TRAPPC12: variants seen among roughly 807,000 people sequenced by gnomAD.
The protein encoded by TRAPPC12 is trafficking protein particle complex subunit 12.
TRAPPC12 carries 61 observed loss-of-function variants against 69.2 expected under a neutral mutation model. The ratio of observed to expected loss-of-function variants is 0.88; its 90% CI spans 0.72 to 1.09. TRAPPC12 has a LOEUF of 1.09. Ranked by LOEUF, TRAPPC12 falls within the 50% of genes least tolerant of loss-of-function variation. The pLI is 0.00. For synonymous variants in TRAPPC12, 469 were observed against 438.9 expected, an observed-to-expected ratio of 1.07 and a Z score of -0.86; for missense variants, 1,101 against 1,016.4, an observed-to-expected ratio of 1.08 and a Z score of -1.13.
intron 5 of TRAPPC12, among the ~76,000 whole-genome samples, chr2:3,426,662 A>T (rs1663118673): frequency 6.6e-6 from 1 of 151,958 alleles, no homozygotes. Context: ...TTGGATAAAG[A>T]TGTCTTTACC....
chr2:3,439,083 A>G (rs141370271), intron 5 of TRAPPC12, among the ~76,000 whole-genome samples: 130 of 152,260 alleles, frequency 8.5e-4, no homozygotes, highest in Non-Finnish European at 3.4e-4. Context: ...GAGAGTTCCT[A>G]TTGATTCACA....
chr2:3,447,038 A>G (rs1028896516), intron 6 of TRAPPC12, among the ~76,000 whole-genome samples: 7 of 152,178 alleles, frequency 4.6e-5, no homozygotes, highest in Admixed American at 1.3e-4. Flanking sequence ...ATTTTGGCTC[A>G]CAGTCCTGCA....
chr2:3,463,868 G>A (rs1301088701), intron 8 of TRAPPC12, among the ~76,000 whole-genome samples: 2 of 152,144 alleles, frequency 1.3e-5, no homozygotes, highest in African/African-American at 4.8e-5. Flanking sequence ...AGCATGATGG[G>A]TGCTCGGAAG....
chr2:3,438,173 A>C (rs1298150645), intron 5 of TRAPPC12, among the ~76,000 whole-genome samples: 17 of 16,766 alleles, frequency 1.0e-3, no homozygotes, highest in East Asian at 2.0e-3. Flanking sequence ...TTAATCCCCC[A>C]ATCACCCCTG....
At chr2:3,459,975 C>T (rs773684235) in intron 7 of TRAPPC12, 2 of 516,702 alleles carry the variant, frequency 3.9e-6, no homozygotes, top group Middle Eastern at 5.2e-4. Context: ...GAAACGGGGC[C>T]CCCGGTCGGA....
In TRAPPC12 at chr2:3,414,561, C is replaced by T. The variant is rs1395210541; in HGVS notation, c.1165-7320C>T. Among the ~76,000 whole-genome samples, 1 of 151,698 alleles carries T rather than the reference C, an allele frequency of 6.6e-6. No individual in the cohort carries two copies. Among genetic ancestry groups the T allele is most frequent in the Non-Finnish European group, 1.5e-5 (1 of 67,932 alleles). On this transcript the variant is annotated intron_variant, in intron 3 of 11. Transcript: ENST00000324266. This position sits in a 1 kb window ranked among gnomAD's most constrained non-coding sequence, Gnocchi z 4.9. The stretch of plus-strand genomic sequence containing the variant: ...CCTGACCCCATCCCCCAGCTGTCCC[C>T]GCTGTGCAGTGCCTTGAACGTGCTC...
intron 2 of TRAPPC12, among the ~76,000 whole-genome samples, chr2:3,394,161 G>T (rs1281454022): frequency 6.6e-6 from 1 of 152,170 alleles, no homozygotes; most frequent in Non-Finnish European, 1.5e-5. Flanking sequence ...AGAGGCTGGA[G>T]AGCTCTGCAG....
intron 2 of TRAPPC12, among the ~76,000 whole-genome samples, chr2:3,392,385 A>G (rs567582174): frequency 6.6e-6 from 1 of 152,232 alleles, no homozygotes; most frequent in South Asian, 2.1e-4. Context: ...CTGCAAATGG[A>G]TAATTTCAGT....
rs187853762 is a variant in TRAPPC12, at chr2:3,424,641, G to T, written c.1395G>T (p.Pro465=). 1.5e-5 allele frequency: 24 copies of T among 1,611,734 alleles called. No homozygotes were observed. The highest frequency in any genetic ancestry group is 4.0e-5 in the African/African-American group (3 of 74,902). The part of the protein sequence containing the change: ...DQPDLYYEYY[P]HVYPGRRGSM... ...CAGATCTTTATTACGAGTACTACCC[G>T]CACGTGTACCCTGGGCGCAGGGGTA... The change falls in exon 5 of 12, where the codon CCG becomes CCT. Residue 465 remains proline (P), a synonymous_variant. Transcript: ENST00000324266.
rs774427602 is a variant in TRAPPC12 at position 3,387,870 on chromosome 2, G to A, written c.247G>A (p.Gly83Ser). 32 of 1,590,830 alleles carry A rather than the reference G, an allele frequency of 2.0e-5. No homozygotes were observed. The highest frequency in any genetic ancestry group is 2.5e-5 in the Non-Finnish European group (29 of 1,165,258). The change falls in exon 2 of 12, where the codon GGC (glycine) becomes AGC (serine). Residue 83 changes from glycine (G) to serine (S), a missense_variant. By Grantham distance (56) the Gly-to-Ser change is moderately conservative. Transcript: ENST00000324266. The part of the protein sequence containing the change: ...SDSPNSEGDA[G>S]DLGRVRDEAE... ...CTCCCCCAACAGCGAGGGCGACGCG[G>A]GCGACCTGGGCCGAGTGCGGGACGA...
Position 3,458,041 on chromosome 2 carries a change from G to C in TRAPPC12, c.1603+348G>C, listed in dbSNP as rs866228653. On this transcript the variant is annotated intron_variant, in intron 7 of 11. Transcript: ENST00000324266. ...CCCAGAGGGGCCTCTGCGTCGGGGA[G>C]AGAGGCCTCTGCGTCGGGGACAGAG... The C allele has an allele frequency of 4.8e-5, 51 of 1,058,734 alleles. No individual in the cohort carries two copies. In the Middle Eastern group the frequency reaches 1.4e-3, roughly 28 times the overall value. 65.6% of individuals were successfully genotyped at this position (1,058,734 alleles called of 1,614,324 possible).
chr2:3,458,457 C>T (rs1665301660), intron 7 of TRAPPC12: 3 of 986,036 alleles, frequency 3.0e-6, no homozygotes, highest in African/African-American at 1.7e-5. Context: ...TCTCCGTTTC[C>T]GCAGGTGTGC....
chr2:3,456,542 T>C (rs1316887620), intron 6 of TRAPPC12: 1 of 152,676 alleles, frequency 6.5e-6, no homozygotes, highest in African/African-American at 2.4e-5. Context: ...GAGACTGACA[T>C]CTTCACAAAA....
chr2:3,430,515 A>G (rs12989971), intron 5 of TRAPPC12, among the ~76,000 whole-genome samples: 42,481 of 152,108 alleles, frequency 0.28, 6,141 homozygotes, highest in East Asian at 0.41. Context: ...CTGTATTTCT[A>G]TTGGGTTATC....
chr2:3,400,072 A>C (rs1268287341), intron 2 of TRAPPC12, among the ~76,000 whole-genome samples: 1 of 152,186 alleles, frequency 6.6e-6, no homozygotes, highest in Non-Finnish European at 1.5e-5. Flanking sequence ...TGCTCACCCG[A>C]GAGACTGCAG....
intron 7 of TRAPPC12, chr2:3,458,069 CTCTGCGTCGGGGACAGAGGCT>C (rs1408939361): frequency 6.9e-6 from 3 of 435,582 alleles, no homozygotes; most frequent in Non-Finnish European, 7.9e-6. Context: ...GGACAGAGGC[CTCTGCGTCGGGGACAGAGGCT>C]CGGGAGGGTG....
At chr2:3,410,304 C>T (rs1661990713) in intron 3 of TRAPPC12, among the ~76,000 whole-genome samples, 1 of 152,082 alleles carries the variant, frequency 6.6e-6, no homozygotes, top group Non-Finnish European at 1.5e-5. Flanking sequence ...AACATTTCTG[C>T]TTTCTATTTT....
rs912611566 is a variant in TRAPPC12 at position 3,479,444 on chromosome 2, T to G, written c.2191T>G (p.Cys731Gly). The change falls in exon 12 of 12, where the codon TGC (cysteine) becomes GGC (glycine). Residue 731 changes from cysteine (C) to glycine (G), a missense_variant. Cys to Gly is a radical substitution (Grantham distance 159). Coordinates refer to ENST00000324266, the MANE Select transcript of TRAPPC12 (RefSeq NM_016030.6). ...GKEGDSFNTQ[C>G]LKLA The stretch of plus-strand genomic sequence containing the variant: ...GGAGGGGGACAGCTTCAACACACAG[T>G]GCCTCAAGCTGGCCTAGCTGCCTCC... 1.9e-6 allele frequency: 3 copies of G among 1,613,888 alleles called. No homozygotes were observed. In the Middle Eastern group the frequency reaches 4.9e-4, roughly 266 times the overall value.
At chr2:3,408,871 G>A (rs1454657714) in intron 3 of TRAPPC12, among the ~76,000 whole-genome samples, 2 of 152,186 alleles carry the variant, frequency 1.3e-5, no homozygotes, top group African/African-American at 4.8e-5. Flanking sequence ...GCAGCACAGT[G>A]CGACCTGACC....
Sources: gnomAD v4.1 joint callset for allele counts (sites outside exome capture counted in the v4.1 genomes callset) on GRCh38, gnomAD v4.1.1 for gene constraint, Gnocchi (gnomAD v3.1) non-coding constraint, MANE v1.5 for transcripts, NCBI Gene and HGNC (gene_info 2026-07-23, HGNC 2026-07-21) for gene names.